Variants in ENOX1 observed in about 807,000 individuals in gnomAD.
ENOX1 encodes the protein ecto-NOX disulfide-thiol exchanger 1, also known as candidate growth-related and time keeping constitutive hydroquinone (NADH) oxidase.
In ENOX1, 42 loss-of-function variants were observed where a neutral mutation model predicts 82.5. The observed-to-expected ratio is 0.51, with a 90% CI of 0.40 to 0.66. The LOEUF is 0.66. Ranked by LOEUF, ENOX1 falls within the 30% of genes least tolerant of loss-of-function variation. ENOX1 has a pLI of 0.00. For synonymous variants in ENOX1, 271 were observed against 282.2 expected (o/e 0.96, Z 0.40); for missense variants, 608 against 811.6 (o/e 0.75, Z 3.05).
At chr13:43,561,583 T>C (rs1005894592) in intron 2 of ENOX1, among the ~76,000 whole-genome samples, 3 of 152,124 alleles carry the variant, frequency 2.0e-5, no homozygotes, top group Non-Finnish European at 4.4e-5. Flanking sequence ...AGTAATTACA[T>C]ATAGCACAAT....
chr13:43,534,405 TAC>T (rs2078362825), intron 2 of ENOX1, among the ~76,000 whole-genome samples: 1 of 152,008 alleles, frequency 6.6e-6, no homozygotes, highest in Non-Finnish European at 1.5e-5. Context: ...CCACACCAGG[TAC>T]AGAGTCTGAT....
At chr13:43,748,583 T>C (rs1490297581) in intron 1 of ENOX1, among the ~76,000 whole-genome samples, 1 of 152,200 alleles carries the variant, frequency 6.6e-6, no homozygotes, top group Non-Finnish European at 1.5e-5. Context: ...TTGAATTTAC[T>C]ACCTGACCTT....
intron 6 of ENOX1, among the ~76,000 whole-genome samples, chr13:43,360,317 T>A (rs1381378662): frequency 6.6e-6 from 1 of 152,182 alleles, no homozygotes; most frequent in Non-Finnish European, 1.5e-5. Context: ...AATGTTTGCA[T>A]AATTTCATTT....
intron 2 of ENOX1, among the ~76,000 whole-genome samples, chr13:43,626,019 G>T (rs2082947750): frequency 6.6e-6 from 1 of 151,780 alleles, no homozygotes; most frequent in Admixed American, 6.6e-5. Context: ...TATTTCCTTA[G>T]TAATTACAGT....
intron 1 of ENOX1, among the ~76,000 whole-genome samples, chr13:43,719,662 G>A (rs184037811): frequency 2.9e-3 from 442 of 152,126 alleles, no homozygotes; most frequent in Non-Finnish European, 4.6e-3. Flanking sequence ...GAACCCTAAC[G>A]TAGCGCACCA....
chr13:43,612,555 C>A (rs1353247408), intron 2 of ENOX1, among the ~76,000 whole-genome samples: 1 of 152,058 alleles, frequency 6.6e-6, no homozygotes, highest in Non-Finnish European at 1.5e-5. Context: ...GGGTACCTTC[C>A]AAAAGCGAAA....
At chr13:43,295,029 G>A (rs2046212695) in intron 12 of ENOX1, among the ~76,000 whole-genome samples, 1 of 152,238 alleles carries the variant, frequency 6.6e-6, no homozygotes, top group Non-Finnish European at 1.5e-5. Flanking sequence ...GATTGTGGTA[G>A]TGGTGGTTAC....
At chr13:43,583,704 A>G (rs1234841382) in intron 2 of ENOX1, among the ~76,000 whole-genome samples, 1 of 152,132 alleles carries the variant, frequency 6.6e-6, no homozygotes, top group Non-Finnish European at 1.5e-5. Flanking sequence ...AGCACTCATT[A>G]TATATTTTTT....
intron 2 of ENOX1, among the ~76,000 whole-genome samples, chr13:43,566,535 T>C (rs2079928046): frequency 6.6e-6 from 1 of 152,082 alleles, no homozygotes; most frequent in African/African-American, 2.4e-5. Context: ...TTATTTTCAG[T>C]GGCAATAGCA....
intron 9 of ENOX1, among the ~76,000 whole-genome samples, chr13:43,339,138 A>ACAAAG (rs2048912831): frequency 6.6e-6 from 1 of 152,230 alleles, no homozygotes; most frequent in Non-Finnish European, 1.5e-5. Flanking sequence ...CTAAACACCA[A>ACAAAG]CAAAGCTAGA....
intron 11 of ENOX1, among the ~76,000 whole-genome samples, chr13:43,313,101 G>C (rs1176636159): frequency 1.3e-5 from 2 of 152,126 alleles, no homozygotes; most frequent in Non-Finnish European, 2.9e-5. Flanking sequence ...CCATAACAGG[G>C]TCATTAACCT....
intron 1 of ENOX1, among the ~76,000 whole-genome samples, chr13:43,674,514 T>C (rs2085413080): frequency 6.6e-6 from 1 of 151,906 alleles, no homozygotes. Context: ...TCCAACTACA[T>C]GACATTGAGG....
At chr13:43,632,539 G>A (rs548694438) in intron 2 of ENOX1, among the ~76,000 whole-genome samples, 26 of 151,652 alleles carry the variant, frequency 1.7e-4, no homozygotes, top group East Asian at 3.9e-4. Context: ...TCTGCCTTCC[G>A]TGTTCAAGCG....
intron 8 of ENOX1, among the ~76,000 whole-genome samples, chr13:43,351,259 T>A (rs1407188050): frequency 6.6e-6 from 1 of 152,056 alleles, no homozygotes; most frequent in African/African-American, 2.4e-5. Flanking sequence ...AAACAAAGAG[T>A]TAATGTTCCC....
chr13:43,227,974 C>G (rs2042102296), intron 15 of ENOX1, among the ~76,000 whole-genome samples: 1 of 152,092 alleles, frequency 6.6e-6, no homozygotes, highest in South Asian at 2.1e-4. Context: ...ATCTGTCCAT[C>G]CCTGTAGCAC....
At chr13:43,487,697 C>T (rs2076477877) in intron 2 of ENOX1, among the ~76,000 whole-genome samples, 1 of 152,074 alleles carries the variant, frequency 6.6e-6, no homozygotes, top group Non-Finnish European at 1.5e-5. Flanking sequence ...TCCAATGTGA[C>T]CTTTCCTGGG....
At chr13:43,452,256 T>C (rs1302966588) in intron 3 of ENOX1, among the ~76,000 whole-genome samples, 1 of 152,186 alleles carries the variant, frequency 6.6e-6, no homozygotes, top group South Asian at 2.1e-4. Context: ...TTTCTCCTAA[T>C]GCTATCCCTC....
At chr13:43,398,598 T>A (rs1323115373) in intron 5 of ENOX1, among the ~76,000 whole-genome samples, 1 of 152,128 alleles carries the variant, frequency 6.6e-6, no homozygotes, top group Non-Finnish European at 1.5e-5. Flanking sequence ...ATAAAAGTTA[T>A]ACTAAGTATG....
chr13:43,460,035 A>C (rs2057399278), intron 3 of ENOX1, among the ~76,000 whole-genome samples: 1 of 152,128 alleles, frequency 6.6e-6, no homozygotes, highest in Non-Finnish European at 1.5e-5. Flanking sequence ...ACCAAAACCA[A>C]AAAATAACAA....
Sources: gnomAD v4.1 joint callset for allele counts (sites outside exome capture counted in the v4.1 genomes callset) on GRCh38, gnomAD v4.1.1 for gene constraint, MANE v1.5 for transcripts, NCBI Gene and HGNC (gene_info 2026-07-23, HGNC 2026-07-21) for gene names.